ULK4: variants seen among roughly 807,000 people sequenced by gnomAD.
ULK4 encodes unc-51 like kinase 4, also known as inactive serine/threonine-protein kinase ULK4.
In ULK4, 133 loss-of-function variants were observed where a neutral mutation model predicts 160.6. The observed-to-expected ratio is 0.83, with a 90% CI of 0.72 to 0.96. The LOEUF (loss-of-function observed/expected upper bound fraction) is 0.96. ULK4 is among the 40% of genes least tolerant of loss of function. The pLI, the probability that ULK4 is intolerant of heterozygous loss-of-function variation, is 0.00. For missense variants in ULK4, 1,580 were observed against 1,499.5 expected, an observed-to-expected ratio of 1.05 and a Z score of -0.89; for synonymous variants, 534 against 539.8, an observed-to-expected ratio of 0.99 and a Z score of 0.15.
chr3:41,782,481 A>G (rs1366291782), intron 21 of ULK4, among the ~76,000 whole-genome samples: 1 of 152,192 alleles, frequency 6.6e-6, no homozygotes, highest in African/African-American at 2.4e-5. Context: ...GAGATGATTA[A>G]AAAAAGAAAA....
chr3:41,292,881 T>C (rs2079598831), intron 35 of ULK4, among the ~76,000 whole-genome samples: 1 of 151,934 alleles, frequency 6.6e-6, no homozygotes, highest in South Asian at 2.1e-4. Flanking sequence ...GTGGCAGAGG[T>C]TGCAGTGAGC....
At chr3:41,560,062 T>C (rs2087506239) in intron 32 of ULK4, among the ~76,000 whole-genome samples, 2 of 152,212 alleles carry the variant, frequency 1.3e-5, no homozygotes, top group Admixed American at 1.3e-4. Flanking sequence ...TAAAGAGGGA[T>C]CCAGTTTCAG....
intron 32 of ULK4, among the ~76,000 whole-genome samples, chr3:41,476,930 T>C (rs1293381410): frequency 6.6e-6 from 1 of 152,062 alleles, no homozygotes; most frequent in Non-Finnish European, 1.5e-5. Flanking sequence ...GTATAGGAAA[T>C]AGAGAAACGT....
At chr3:41,645,088 T>A (rs932073557) in intron 30 of ULK4, among the ~76,000 whole-genome samples, 2 of 152,122 alleles carry the variant, frequency 1.3e-5, no homozygotes, top group Admixed American at 1.3e-4. Flanking sequence ...CTCTCTTTTT[T>A]TCTTTATTAG....
intron 35 of ULK4, among the ~76,000 whole-genome samples, chr3:41,314,654 G>A (rs1575424283): frequency 6.6e-6 from 1 of 152,270 alleles, no homozygotes; most frequent in South Asian, 2.1e-4. Context: ...TGGTGATGGG[G>A]GTGGTATATT....
intron 30 of ULK4, 85 bp downstream of exon 30, chr3:41,663,522 A>C (rs2035253280): frequency 7.9e-7 from 1 of 1,262,312 alleles, no homozygotes; most frequent in Admixed American, 1.8e-5. Flanking sequence ...GTCTTTTGGA[A>C]TCTCATCTTT....
chr3:41,762,695 C>T (rs970154572), intron 21 of ULK4, among the ~76,000 whole-genome samples: 1 of 140,946 alleles, frequency 7.1e-6, no homozygotes, highest in African/African-American at 2.7e-5. Context: ...CAGAGTCTCG[C>T]TCTGTCGCCC....
At chr3:41,888,117 AT>A (rs1359242907) in intron 16 of ULK4, among the ~76,000 whole-genome samples, 2 of 152,006 alleles carry the variant, frequency 1.3e-5, no homozygotes, top group Non-Finnish European at 2.9e-5. Flanking sequence ...GTCTCTAAAA[AT>A]AATAATAAAA....
At chr3:41,397,986 A>T in intron 35 of ULK4, 93 bp downstream of exon 35, 1 of 1,418,908 alleles carries the variant, frequency 7.0e-7, no homozygotes, top group Non-Finnish European at 9.5e-7. Context: ...ATTCTCTGTA[A>T]ATTTGAAATT....
At chr3:41,581,612 T>A (rs1457854576) in intron 31 of ULK4, among the ~76,000 whole-genome samples, 1 of 152,136 alleles carries the variant, frequency 6.6e-6, no homozygotes, top group Admixed American at 6.5e-5. Flanking sequence ...TCTTTGACAA[T>A]CTATATGAAC....
At chr3:41,742,794 T>C (rs1443191838) in intron 22 of ULK4, among the ~76,000 whole-genome samples, 1 of 151,794 alleles carries the variant, frequency 6.6e-6, no homozygotes, top group Non-Finnish European at 1.5e-5. Flanking sequence ...CAATGTACAA[T>C]ATAGAACTGA....
chr3:41,377,048 C>T (rs571261738), intron 35 of ULK4, among the ~76,000 whole-genome samples: 1 of 151,836 alleles, frequency 6.6e-6, no homozygotes, highest in Non-Finnish European at 1.5e-5. Context: ...TGGAACAGAA[C>T]AGAGCCCTCA....
intron 34 of ULK4, among the ~76,000 whole-genome samples, chr3:41,404,707 G>C (rs7356120): frequency 6.6e-6 from 1 of 152,140 alleles, no homozygotes; most frequent in African/African-American, 2.4e-5. Context: ...CCTTATAAAA[G>C]GACAAGTTTG....
chr3:41,522,329 G>A (rs905320426), intron 32 of ULK4, among the ~76,000 whole-genome samples: 47 of 151,738 alleles, frequency 3.1e-4, no homozygotes, highest in African/African-American at 8.2e-4. Flanking sequence ...TAGTAGAGAC[G>A]GGGTTTCACC....
intron 18 of ULK4, among the ~76,000 whole-genome samples, chr3:41,825,418 A>C (rs1307275932): frequency 6.6e-6 from 1 of 152,224 alleles, no homozygotes; most frequent in African/African-American, 2.4e-5. Context: ...CCTTGAAAAA[A>C]AATTAGACAA....
At chr3:41,355,209 CAG>C (rs1314789422) in intron 35 of ULK4, among the ~76,000 whole-genome samples, 3 of 152,134 alleles carry the variant, frequency 2.0e-5, no homozygotes, top group African/African-American at 7.2e-5. Flanking sequence ...ACCCAAAAGA[CAG>C]AGATGCTTTG....
At chr3:41,734,351 C>G (rs1446740540) in intron 22 of ULK4, among the ~76,000 whole-genome samples, 2 of 152,138 alleles carry the variant, frequency 1.3e-5, no homozygotes, top group Non-Finnish European at 2.9e-5. Flanking sequence ...GTAACTGGAT[C>G]AAGTGCTACT....
chr3:41,781,628 A>G (rs1238898994), intron 21 of ULK4, among the ~76,000 whole-genome samples: 1 of 152,226 alleles, frequency 6.6e-6, no homozygotes, highest in Non-Finnish European at 1.5e-5. Flanking sequence ...TAAATGAAGT[A>G]GGAATATAAA....
intron 32 of ULK4, among the ~76,000 whole-genome samples, chr3:41,475,384 T>G (rs1361139458): frequency 6.6e-6 from 1 of 152,166 alleles, no homozygotes; most frequent in Non-Finnish European, 1.5e-5. Flanking sequence ...AAATCTCAAT[T>G]AGACAGAAGA....
Sources: allele counts gnomAD v4.1 joint callset (sites outside exome capture counted in the v4.1 genomes callset), GRCh38; gene constraint gnomAD v4.1.1; transcripts MANE v1.5; gene names NCBI Gene and HGNC (gene_info 2026-07-23, HGNC 2026-07-21).